GPHN: variants seen among roughly 807,000 people sequenced by gnomAD.
The protein encoded by GPHN is gephyrin.
A neutral mutation model predicts 95.5 loss-of-function variants in GPHN; 17 were observed. The ratio of observed to expected loss-of-function variants is 0.18; its 90% CI spans 0.12 to 0.27. The LOEUF is 0.27. Among genes scored for constraint, GPHN ranks in the 10% least tolerant of loss-of-function variants. The probability of loss-of-function intolerance (pLI) is 1.00; values close to 1 mark genes in which losing one functional copy is unlikely to be tolerated. For missense variants in GPHN, 660 were observed against 978.1 expected (o/e 0.67, Z 4.34); for synonymous variants, 320 against 322.5 (o/e 0.99, Z 0.08).
the GPHN span, among the ~76,000 whole-genome samples, chr14:67,388,992 C>T: frequency 2.0e-5 from 3 of 151,842 alleles, no homozygotes; most frequent in African/African-American, 7.3e-5. Flanking sequence ...GTAATCATTT[C>T]TGCAAAGTTG....
At chr14:66,846,209 C>G (rs2062331603) in intron 4 of GPHN, among the ~76,000 whole-genome samples, 1 of 152,250 alleles carries the variant, frequency 6.6e-6, no homozygotes, top group East Asian at 1.9e-4. Context: ...GGTTCCCCAT[C>G]TAAACTATCA....
the GPHN span, among the ~76,000 whole-genome samples, chr14:67,280,850 T>TC: frequency 0.012 from 1,478 of 119,826 alleles, 15 homozygotes; most frequent in African/African-American, 0.019. Flanking sequence ...CTTCCTTCCT[T>TC]CCTTCCCTCC....
intron 22 of GPHN, 100 bp from the exon 23 acceptor site, chr14:67,180,704 A>T: frequency 8.8e-7 from 1 of 1,139,496 alleles, no homozygotes; most frequent in Admixed American, 1.9e-5. Flanking sequence ...CCTCTTGAAG[A>T]CCCGCATTTC....
chr14:67,198,151 G>T, the GPHN span: 1 of 1,607,572 alleles, frequency 6.2e-7, no homozygotes, highest in Admixed American at 1.7e-5. Context: ...TTATGTTTAT[G>T]TGCAAGCGCA....
chr14:66,785,414 C>T (rs1032453075), intron 3 of GPHN, among the ~76,000 whole-genome samples: 4 of 151,944 alleles, frequency 2.6e-5, no homozygotes, highest in Middle Eastern at 3.4e-3. Flanking sequence ...GCATTAGTGG[C>T]TGTATTAATA....
At chr14:67,477,665 C>CT in the GPHN span, among the ~76,000 whole-genome samples, 53 of 152,308 alleles carry the variant, frequency 3.5e-4, no homozygotes, top group Middle Eastern at 0.014. Context: ...TGGCTTATGC[C>CT]TGTAATCCTA....
chr14:67,323,125 TTCAG>T, the GPHN span, among the ~76,000 whole-genome samples: 28 of 152,078 alleles, frequency 1.8e-4, no homozygotes, highest in African/African-American at 6.0e-4. Flanking sequence ...GTTGTCATCC[TTCAG>T]TATCATTCAC....
chr14:66,564,030 C>T lies in GPHN; in HGVS notation c.64+55439C>T, dbSNP rs191976265. Among the ~76,000 whole-genome samples the T allele has an allele frequency of 1.8e-3, 267 of 152,206 alleles. 1 individual carries two copies. The highest frequency in any genetic ancestry group is 6.1e-3 in the African/African-American group (254 of 41,556). ...ATTTGAAACATTCAGAGGGCATGAA[C>T]GTATATGACTCTCTAATGATTTCTG... On this transcript the variant is annotated intron_variant, in intron 1 of 22. Transcript: ENST00000478722.
At chr14:67,593,976 CA>C in the GPHN span, 1 of 1,525,420 alleles carries the variant, frequency 6.6e-7, no homozygotes, top group Admixed American at 1.7e-5. Context: ...CAGACACAGA[CA>C]GTAAGATTAC....
At chr14:66,708,448 T>C (rs980101909) in intron 2 of GPHN, among the ~76,000 whole-genome samples, 1 of 152,174 alleles carries the variant, frequency 6.6e-6, no homozygotes, top group African/African-American at 2.4e-5. Flanking sequence ...AATCCTGTTA[T>C]CAGTATAAAA....
intron 2 of GPHN, among the ~76,000 whole-genome samples, chr14:66,686,910 T>A (rs1473189990): frequency 6.6e-6 from 1 of 152,152 alleles, no homozygotes; most frequent in African/African-American, 2.4e-5. Flanking sequence ...CTATTATTGT[T>A]TTGAGATACG....
intron 2 of GPHN, among the ~76,000 whole-genome samples, chr14:66,698,819 A>G (rs2068298533): frequency 1.3e-5 from 2 of 152,214 alleles, no homozygotes; most frequent in African/African-American, 2.4e-5. Flanking sequence ...ACCTGCATGT[A>G]TACAAAACAT....
chr14:67,444,816 G>A, the GPHN span, among the ~76,000 whole-genome samples: 4 of 152,034 alleles, frequency 2.6e-5, no homozygotes, highest in East Asian at 7.7e-4. Context: ...TTGGAGTGCA[G>A]TGGCAAAATC....
chr14:67,418,221 C>T, the GPHN span, among the ~76,000 whole-genome samples: 1 of 152,186 alleles, frequency 6.6e-6, no homozygotes, highest in African/African-American at 2.4e-5. Flanking sequence ...AGTTAAATAA[C>T]TTGGCCAACA....
chr14:66,992,114 G>A (rs543249617), intron 9 of GPHN, among the ~76,000 whole-genome samples: 2 of 152,140 alleles, frequency 1.3e-5, no homozygotes, highest in African/African-American at 2.4e-5. Context: ...CCACAATTTT[G>A]TATTTTCATC....
chr14:67,646,863 C>T, the GPHN span: 10 of 1,398,722 alleles, frequency 7.1e-6, no homozygotes, highest in East Asian at 1.4e-4. Context: ...CCCCCAAATA[C>T]ATATTTGTTA....
At chr14:66,953,734 T>C (rs777457392) in intron 8 of GPHN, among the ~76,000 whole-genome samples, 3 of 152,030 alleles carry the variant, frequency 2.0e-5, no homozygotes, top group Non-Finnish European at 2.9e-5. Flanking sequence ...TTGAAGTAAG[T>C]TTAGAAAGCA....
At chr14:67,011,448 C>T (rs1435005803) in intron 9 of GPHN, among the ~76,000 whole-genome samples, 1 of 150,724 alleles carries the variant, frequency 6.6e-6, no homozygotes, top group East Asian at 1.9e-4. Context: ...TGTCACATGC[C>T]TATGGTCCCA....
chr14:66,535,327 A>G (rs987734625), intron 1 of GPHN, among the ~76,000 whole-genome samples: 3 of 152,162 alleles, frequency 2.0e-5, no homozygotes, highest in African/African-American at 7.2e-5. Context: ...CCACTGGTCT[A>G]TTTATGTACA....
Sources: gnomAD v4.1 joint callset for allele counts (sites outside exome capture counted in the v4.1 genomes callset) on GRCh38, gnomAD v4.1.1 for gene constraint, MANE v1.5 for transcripts, NCBI Gene and HGNC (gene_info 2026-07-23, HGNC 2026-07-21) for gene names.